Variants in HADH observed in about 807,000 individuals in gnomAD.
HADH encodes the protein hydroxyacyl-CoA dehydrogenase.
A neutral mutation model predicts 32.2 loss-of-function variants in HADH; 24 were observed. The ratio of observed to expected loss-of-function variants is 0.75; its 90% CI spans 0.54 to 1.05. The LOEUF (loss-of-function observed/expected upper bound fraction) is 1.05, where lower values mean the gene tolerates loss of function less well. Among genes scored for constraint, HADH ranks in the 50% least tolerant of loss-of-function variants. HADH has a pLI of 0.00. For missense variants in HADH, 350 were observed against 397.1 expected (o/e 0.88, Z 1.01); for synonymous variants, 139 against 152.5 (o/e 0.91, Z 0.65).
At chr4:108,033,622 T>C (rs1369794157) in intron 7 of HADH, among the ~76,000 whole-genome samples, 1 of 152,178 alleles carries the variant, frequency 6.6e-6, no homozygotes, top group East Asian at 1.9e-4. Context: ...TCCCAGGAAA[T>C]TGACACTGGT....
At chr4:108,022,375 C>T (rs71601074) in intron 4 of HADH, among the ~76,000 whole-genome samples, 4 of 152,104 alleles carry the variant, frequency 2.6e-5, no homozygotes, top group Non-Finnish European at 4.4e-5. Context: ...TGCTTGGTGC[C>T]ATCCCCTACA....
chr4:108,018,990 G>T (rs1735792415), intron 3 of HADH, among the ~76,000 whole-genome samples: 1 of 151,902 alleles, frequency 6.6e-6, no homozygotes, highest in South Asian at 2.1e-4. Context: ...GAACCATGTT[G>T]GTGTTCTTGT....
At chr4:108,027,283 T>G in intron 5 of HADH, 1 of 338,034 alleles carries the variant, frequency 3.0e-6, no homozygotes, top group South Asian at 2.6e-5. Context: ...TTTATGTGTT[T>G]TCTGATTTAT....
At chr4:108,007,251 C>A (rs532467828) in intron 1 of HADH, among the ~76,000 whole-genome samples, 2 of 152,096 alleles carry the variant, frequency 1.3e-5, no homozygotes, top group African/African-American at 4.8e-5. Context: ...GGACTACAGG[C>A]GCCCGCCACC....
At position 108,033,163 on chromosome 4, in the gene HADH, G is replaced by A. The variant is rs369673849; in HGVS notation, c.710-13G>A. ...AAGGTGGTGGTGACCCAGTGCTGCC[G>A]TTTTCTCCTTAGGTGACGCATCCAA... On this transcript the variant is annotated splice_polypyrimidine_tract_variant and intron_variant, in intron 6 of 7. Transcript: ENST00000309522. 1.8e-5 allele frequency: 26 copies of A among 1,408,120 alleles called. No homozygotes were observed. Among genetic ancestry groups the A allele is most frequent in the Admixed American group, 1.2e-4 (7 of 59,756 alleles). The allele number at this position is 1,408,120 out of a possible 1,614,324, so 87.2% of individuals were successfully genotyped here.
rs1382505962 is a variant in HADH at position 108,035,073 on chromosome 4, A to T, written c.*716A>T. The T allele has an allele frequency of 1.3e-5, 2 of 152,502 alleles. No individual in the cohort carries two copies. The highest frequency in any genetic ancestry group is 2.4e-5 in the African/African-American group (1 of 41,452). The allele number at this position is 152,502 out of a possible 1,614,324, so 9.4% of individuals were successfully genotyped here. ...ATAAATTGACTCTACTAAAATAACA[A>T]TGTTTCAGTCTGAAAATTTGAATTG... On this transcript the variant is annotated 3_prime_UTR_variant, in exon 8 of 8. Transcript: ENST00000309522.
chr4:108,019,645 G>A lies in HADH; in HGVS notation c.525G>A (p.Val175=). Residue 175 remains valine (V), a synonymous_variant, in exon 4 of 8, where the codon GTG becomes GTA. Transcript: ENST00000309522. ...RFAGLHFFNP[V]PVMKLVEVIK... ...CTGGCCTCCATTTCTTCAACCCAGT[G>A]CCTGTCATGAAACTTGTGGAGGTCA... 3 of 1,614,142 alleles carry A rather than the reference G, an allele frequency of 1.9e-6. No homozygotes were observed. Among genetic ancestry groups the A allele is most frequent in the Non-Finnish European group, 2.5e-6 (3 of 1,180,010 alleles).
chr4:108,032,976 T>C, intron 6 of HADH, 200 bp from the exon 7 acceptor site: 1 of 584,132 alleles, frequency 1.7e-6, no homozygotes, highest in South Asian at 1.9e-5. Context: ...AGCAAGACTC[T>C]GTCTCAAAAA....
chr4:107,996,500 A>G (rs1371856333), intron 1 of HADH, among the ~76,000 whole-genome samples: 1 of 152,238 alleles, frequency 6.6e-6, no homozygotes, highest in Non-Finnish European at 1.5e-5. Flanking sequence ...ATTCTAGTCT[A>G]AAAATGGGCG....
intron 5 of HADH, chr4:108,025,580 ATTACT>A (rs763018653): frequency 7.2e-5 from 11 of 152,328 alleles, no homozygotes; most frequent in South Asian, 6.2e-4. Context: ...ATAAAATAAA[ATTACT>A]TTATTTAAAG....
chr4:108,007,143 G>T (rs1429290858), intron 1 of HADH, among the ~76,000 whole-genome samples: 1 of 152,116 alleles, frequency 6.6e-6, no homozygotes, highest in Non-Finnish European at 1.5e-5. Context: ...GTCTCGCTCT[G>T]TCCCTCAGGC....
At chr4:108,006,399 A>G (rs1735294067) in intron 1 of HADH, among the ~76,000 whole-genome samples, 1 of 152,164 alleles carries the variant, frequency 6.6e-6, no homozygotes, top group South Asian at 2.1e-4. Context: ...GTTTTTAAAA[A>G]TAGCAATGAC....
intron 1 of HADH, 28 bp downstream of exon 1, chr4:107,990,092 A>G (rs201094947): frequency 3.1e-6 from 5 of 1,589,768 alleles, no homozygotes; most frequent in East Asian, 4.6e-5. Context: ...CAGCGTGCCC[A>G]CGCGCTTGGC....
chr4:108,020,962 G>A (rs1442131645), intron 4 of HADH, among the ~76,000 whole-genome samples: 2 of 151,766 alleles, frequency 1.3e-5, no homozygotes, highest in Admixed American at 6.6e-5. Flanking sequence ...ATTTTTTTTA[G>A]CATTTTCTCT....
intron 1 of HADH, among the ~76,000 whole-genome samples, chr4:107,991,990 G>C (rs1292919760): frequency 2.0e-5 from 3 of 152,192 alleles, no homozygotes; most frequent in Non-Finnish European, 4.4e-5. Flanking sequence ...TTAGTTCTTT[G>C]AATGCTGCAT....
At chr4:108,014,974 T>G (rs1438161523) in intron 3 of HADH, among the ~76,000 whole-genome samples, 3 of 152,250 alleles carry the variant, frequency 2.0e-5, no homozygotes, top group Non-Finnish European at 4.4e-5. Context: ...TTTATTCTTT[T>G]TTATAGCTGA....
intron 1 of HADH, among the ~76,000 whole-genome samples, chr4:107,996,488 C>T (rs907016660): frequency 6.6e-6 from 1 of 151,890 alleles, no homozygotes; most frequent in African/African-American, 2.4e-5. Context: ...CTATGTAACA[C>T]AATTCTAGTC....
chr4:108,032,153 C>G, intron 6 of HADH: 1 of 480,820 alleles, frequency 2.1e-6, no homozygotes, highest in Non-Finnish European at 3.8e-6. Context: ...ATCTGATTGA[C>G]TTCTTAATGC....
chr4:108,020,484 T>TA (rs1476009569), intron 4 of HADH, among the ~76,000 whole-genome samples: 1 of 151,980 alleles, frequency 6.6e-6, no homozygotes, highest in East Asian at 1.9e-4. Context: ...AAAAAAACCC[T>TA]AAAAGTAAAA....
Sources: allele counts gnomAD v4.1 joint callset (sites outside exome capture counted in the v4.1 genomes callset), GRCh38; gene constraint gnomAD v4.1.1; transcripts MANE v1.5; gene names NCBI Gene and HGNC (gene_info 2026-07-23, HGNC 2026-07-21).